CSTF1: variants seen among roughly 807,000 people sequenced by gnomAD.
CSTF1 encodes CF-1 50 kDa subunit.
A neutral mutation model predicts 40.9 loss-of-function variants in CSTF1; 2 were observed. That is an observed-to-expected ratio of 0.05 (90% CI 0.02 to 0.15). The LOEUF (loss-of-function observed/expected upper bound fraction) is 0.15. Among genes scored for constraint, CSTF1 ranks in the 10% least tolerant of loss-of-function variants. The pLI is 1.00. For missense variants in CSTF1, 279 were observed against 558.9 expected (o/e 0.50, Z 5.05); for synonymous variants, 218 against 207.2 (o/e 1.05, Z -0.45).
intron 1 of CSTF1, among the ~76,000 whole-genome samples, chr20:56,394,924 G>A (rs1239808411): frequency 3.3e-5 from 5 of 151,856 alleles, no homozygotes; most frequent in African/African-American, 1.2e-4. Flanking sequence ...CCTTTCTAAC[G>A]CATTTAACTC....
In CSTF1 at chr20:56,403,732, C is replaced by T; in HGVS notation, c.*5C>T. 3.1e-6 allele frequency: 5 copies of T among 1,609,840 alleles called. No individual in the cohort carries two copies. The highest frequency in any genetic ancestry group is 4.2e-6 in the Non-Finnish European group (5 of 1,176,534). On this transcript the variant is annotated 3_prime_UTR_variant, in exon 6 of 6. Transcript: ENST00000217109. The stretch of plus-strand genomic sequence containing the variant: ...CGGAGATCGACCACTGACTGAGCCA[C>T]CCTCTCCGTAGGGTTCTTTCTCGAG...
rs369381869 is a variant in CSTF1 at position 56,406,299 on chromosome 20, T to A, written c.*2572T>A. 2.0e-5 allele frequency: 3 copies of A among 152,130 alleles called. No homozygotes were observed. The highest frequency in any genetic ancestry group is 6.5e-5 in the Admixed American group (1 of 15,268). The allele number at this position is 152,130 out of a possible 1,614,324, so 9.4% of individuals were successfully genotyped here. Reference sequence around the variant, plus strand: ...AATATCTGGTCAGGATACGAACTTATACCCTCTGTGTGTTTTTTTTTTTTA... The same window carrying A: ...AATATCTGGTCAGGATACGAACTTAAACCCTCTGTGTGTTTTTTTTTTTTA... On this transcript the variant is annotated 3_prime_UTR_variant, in exon 6 of 6. Coordinates refer to ENST00000217109, the MANE Select transcript of CSTF1 (RefSeq NM_001324.3).
Position 56,398,891 on chromosome 20 carries a change from C to G in CSTF1, c.646-76C>G, listed in dbSNP as rs998920020. ...TGTTTTATAGATTCTTTTCATCAGC[C>G]AGATATTTTCCACATTTCCTCTGGA... On this transcript the variant is annotated intron_variant, in intron 4 of 5. Coordinates refer to ENST00000217109, the MANE Select transcript of CSTF1 (RefSeq NM_001324.3). 15 of 1,318,610 alleles carry G rather than the reference C, an allele frequency of 1.1e-5. No homozygotes were observed. In the East Asian group the frequency reaches 3.5e-4, roughly 31 times the overall value. 81.7% of individuals were successfully genotyped at this position (1,318,610 alleles called of 1,614,324 possible). A position where few individuals can be genotyped will look rare whatever the true frequency, so the allele number is the denominator to read the frequency against.
Position 56,397,896 on chromosome 20 carries a change from G to A in CSTF1, c.645+55G>A, listed in dbSNP as rs112347691. 8 of 1,355,738 alleles carry A rather than the reference G, an allele frequency of 5.9e-6. No homozygotes were observed. Among genetic ancestry groups the A allele is most frequent in the African/African-American group, 2.9e-5 (2 of 69,282 alleles). The allele number at this position is 1,355,738 out of a possible 1,614,324, so 84.0% of individuals were successfully genotyped here. A position where few individuals can be genotyped will look rare whatever the true frequency, so the allele number is the denominator to read the frequency against. The stretch of plus-strand genomic sequence containing the variant: ...TTTTTCTTAAATACAATGAGCTATT[G>A]TACAACTATTCTCTTTTTAAAAGTA... On this transcript the variant is annotated intron_variant, in intron 4 of 5. Transcript: ENST00000217109. The surrounding 1 kb of genome is among the most constrained non-coding windows in gnomAD (Gnocchi z 4.4).
intron 1 of CSTF1, among the ~76,000 whole-genome samples, chr20:56,394,729 G>A (rs1286283773): frequency 3.3e-5 from 5 of 152,240 alleles, no homozygotes. Flanking sequence ...ATGTTGAACA[G>A]TTGGAGTTCT....
chr20:56,403,038 CAGCATAA>C (rs11279639), intron 5 of CSTF1, among the ~76,000 whole-genome samples: 4,111 of 151,910 alleles, frequency 0.027, 203 homozygotes, highest in African/African-American at 0.095. Context: ...AAAATGTACT[CAGCATAA>C]AGTTGGTTAA....
intron 1 of CSTF1, among the ~76,000 whole-genome samples, chr20:56,393,959 C>T (rs754668169): frequency 2.6e-5 from 4 of 152,126 alleles, no homozygotes; most frequent in Non-Finnish European, 5.9e-5. Context: ...GCTGGCATTT[C>T]CTGAACTCCT....
At chr20:56,398,588 C>T (rs1236477198) in intron 4 of CSTF1, among the ~76,000 whole-genome samples, 1 of 152,108 alleles carries the variant, frequency 6.6e-6, no homozygotes, top group African/African-American at 2.4e-5. Flanking sequence ...TAATAATAAA[C>T]TTAATTTTTC....
chr20:56,397,878 T>G lies in CSTF1; in HGVS notation c.645+37T>G. On this transcript the variant is annotated intron_variant, in intron 4 of 5. Coordinates refer to ENST00000217109, the MANE Select transcript of CSTF1 (RefSeq NM_001324.3). The surrounding 1 kb of genome is among the most constrained non-coding windows in gnomAD (Gnocchi z 4.4). ...TAGAAAGGAGCTTTACATTTTTTCT[T>G]AAATACAATGAGCTATTGTACAACT... is the stretch of plus-strand genomic sequence containing the variant. The G allele has an allele frequency of 6.8e-7, 1 of 1,472,144 alleles. No individual in the cohort carries two copies. The highest frequency in any genetic ancestry group is 9.4e-7 in the Non-Finnish European group (1 of 1,058,302). 91.2% of individuals were successfully genotyped at this position (1,472,144 alleles called of 1,614,324 possible). A position where few individuals can be genotyped will look rare whatever the true frequency, so the allele number is the denominator to read the frequency against.
In CSTF1 at chr20:56,399,807, C is replaced by T. The variant is rs184891895; in HGVS notation, c.1036+450C>T. Among the ~76,000 whole-genome samples, 32 of 152,266 alleles carry T rather than the reference C, an allele frequency of 2.1e-4. No individual in the cohort carries two copies. In the East Asian group the frequency reaches 5.2e-3, roughly 25 times the overall value. ...CAGACCTAGCCCGCAAAGGAAACCA[C>T]GTTAATTCTGAATGCAGATATAAAG... is the stretch of plus-strand genomic sequence containing the variant. On this transcript the variant is annotated intron_variant, in intron 5 of 5. Transcript: ENST00000217109. This position sits in a 1 kb window ranked among gnomAD's most constrained non-coding sequence, Gnocchi z 4.6.
chr20:56,402,007 TAAAG>T (rs1414573961), intron 5 of CSTF1, among the ~76,000 whole-genome samples: 3 of 152,138 alleles, frequency 2.0e-5, no homozygotes, highest in Admixed American at 6.5e-5. Context: ...TGCTCTGACT[TAAAG>T]AAGTTACAAA....
At chr20:56,403,031 A>G (rs896086485) in intron 5 of CSTF1, among the ~76,000 whole-genome samples, 1 of 151,608 alleles carries the variant, frequency 6.6e-6, no homozygotes, top group African/African-American at 2.4e-5. Context: ...ACATGGAAAA[A>G]TGTACTCAGC....
At chr20:56,398,413 T>C (rs1978324493) in intron 4 of CSTF1, among the ~76,000 whole-genome samples, 1 of 152,024 alleles carries the variant, frequency 6.6e-6, no homozygotes, top group Non-Finnish European at 1.5e-5. Flanking sequence ...TACAAAAAAT[T>C]CTTTTAATCA....
In CSTF1 at chr20:56,403,954, A is replaced by G. The variant is rs1978590961; in HGVS notation, c.*227A>G. 1 of 478,128 alleles carries G rather than the reference A, an allele frequency of 2.1e-6. No homozygotes were observed. The highest frequency in any genetic ancestry group is 4.3e-5 in the South Asian group (1 of 23,040). The allele number at this position is 478,128 out of a possible 1,614,324, so 29.6% of individuals were successfully genotyped here. A position where few individuals can be genotyped will look rare whatever the true frequency, so the allele number is the denominator to read the frequency against. ...CAGTTCTACATTCACTGATTATTAC[A>G]GTGTGATTTTCATCGGTTTTGTAAG... On this transcript the variant is annotated 3_prime_UTR_variant, in exon 6 of 6. Coordinates refer to ENST00000217109, the MANE Select transcript of CSTF1 (RefSeq NM_001324.3).
chr20:56,402,378 A>G (rs1978498227), intron 5 of CSTF1, among the ~76,000 whole-genome samples: 3 of 152,098 alleles, frequency 2.0e-5, no homozygotes, highest in South Asian at 2.1e-4. Context: ...AGTATTCACC[A>G]AAGTATTGAC....
intron 5 of CSTF1, among the ~76,000 whole-genome samples, chr20:56,401,779 A>T (rs780901182): frequency 1.3e-5 from 2 of 152,210 alleles, no homozygotes; most frequent in Non-Finnish European, 2.9e-5. Context: ...GCATTCTCTT[A>T]TTCTTAATCC....
At position 56,403,531 on chromosome 20, in the gene CSTF1, ATG is replaced by A; in HGVS notation, c.1104_1105del (p.Leu369AlafsTer49). 1 of 1,614,118 alleles carries A rather than the reference ATG, an allele frequency of 6.2e-7. No individual in the cohort carries two copies. Among genetic ancestry groups the A allele is most frequent in the Non-Finnish European group, 8.5e-7 (1 of 1,180,020 alleles). On this transcript the variant is annotated frameshift_variant, in exon 6 of 6. Coordinates refer to ENST00000217109, the MANE Select transcript of CSTF1 (RefSeq NM_001324.3). LOFTEE classifies it high-confidence loss of function. The stretch of plus-strand genomic sequence containing the variant: ...GCTGTGTTTAACCACACCGAGGACT[ATG>A]TGTTGCTGCCCGACGAGAGGACGAT...
intron 5 of CSTF1, among the ~76,000 whole-genome samples, chr20:56,400,204 G>C (rs546000223): frequency 6.6e-6 from 1 of 152,300 alleles, no homozygotes; most frequent in East Asian, 1.9e-4. Flanking sequence ...AGTGACATCT[G>C]ACCCACTAGG....
At chr20:56,393,176 G>GTT (rs1298430079) in intron 1 of CSTF1, among the ~76,000 whole-genome samples, 1 of 132,738 alleles carries the variant, frequency 7.5e-6, no homozygotes, top group Non-Finnish European at 1.8e-5. Flanking sequence ...ACATATGTGT[G>GTT]TGTGTGTGTG....
Sources: allele counts gnomAD v4.1 joint callset (sites outside exome capture counted in the v4.1 genomes callset), GRCh38; gene constraint gnomAD v4.1.1; non-coding constraint Gnocchi (gnomAD v3.1); transcripts MANE v1.5; gene names NCBI Gene and HGNC (gene_info 2026-07-23, HGNC 2026-07-21).